Variants in ARL13B observed in about 807,000 individuals in gnomAD.
ARL13B encodes the protein ADP-ribosylation factor-like protein 13B.
A neutral mutation model predicts 56.1 loss-of-function variants in ARL13B; 36 were observed. The observed-to-expected ratio is 0.64, with a 90% CI of 0.49 to 0.85. The LOEUF is 0.85. Among genes scored for constraint, ARL13B ranks in the 40% least tolerant of loss-of-function variants. The pLI is 0.00. For missense variants in ARL13B, 519 were observed against 507.1 expected, an observed-to-expected ratio of 1.02 and a Z score of -0.23; for synonymous variants, 178 against 171.1, an observed-to-expected ratio of 1.04 and a Z score of -0.32.
chr3:94,035,254 A>AT, intron 3 of ARL13B, 77 bp from the exon 4 acceptor site: 5 of 1,014,730 alleles, frequency 4.9e-6, no homozygotes, highest in South Asian at 1.5e-5. Context: ...AAAAAAAAAA[A>AT]GAATGTGGTC....
rs565526914 is a variant in ARL13B at position 93,998,058 on chromosome 3, T to G, written c.130+2114T>G. On this transcript the variant is annotated intron_variant, in intron 2 of 9. Coordinates refer to ENST00000394222, the MANE Select transcript of ARL13B (RefSeq NM_001174150.2). ...TGAAAATTTATTTCCGGCACTGAAA[T>G]TTGAATTTAATATAATTTTCATGTG... 1.1e-3 allele frequency among the ~76,000 whole-genome samples: 163 copies of G among 152,340 alleles called. 1 individual carries two copies. Among genetic ancestry groups the G allele is most frequent in the African/African-American group, 3.8e-3 (160 of 41,578 alleles).
At chr3:94,034,407 T>C (rs547166613) in intron 3 of ARL13B, among the ~76,000 whole-genome samples, 19 of 152,120 alleles carry the variant, frequency 1.2e-4, no homozygotes, top group Non-Finnish European at 2.5e-4. Context: ...ATCTATGTTA[T>C]ATAATTAAAT....
intron 3 of ARL13B, among the ~76,000 whole-genome samples, chr3:94,013,640 C>G (rs757095708): frequency 2.6e-5 from 4 of 152,124 alleles, no homozygotes; most frequent in African/African-American, 4.8e-5. Flanking sequence ...AAGTTACCTT[C>G]TGAGGATAAA....
At chr3:94,027,394 G>A (rs1043582543) in intron 3 of ARL13B, among the ~76,000 whole-genome samples, 1 of 151,702 alleles carries the variant, frequency 6.6e-6, no homozygotes, top group African/African-American at 2.4e-5. Flanking sequence ...ATTTTATTTA[G>A]TCTAAATAAC....
intron 5 of ARL13B, 149 bp downstream of exon 5, chr3:94,036,903 C>A (rs959273242): frequency 1.0e-6 from 1 of 959,338 alleles, no homozygotes; most frequent in Non-Finnish European, 1.6e-6. Flanking sequence ...GGATCTTTTT[C>A]TGTACAAGTT....
chr3:94,037,673 A>G (rs953550085), intron 5 of ARL13B, among the ~76,000 whole-genome samples: 3 of 151,940 alleles, frequency 2.0e-5, no homozygotes, highest in African/African-American at 7.2e-5. Flanking sequence ...CAGTACAACC[A>G]ATCATGCATG....
intron 3 of ARL13B, among the ~76,000 whole-genome samples, chr3:94,017,071 A>G (rs970705183): frequency 6.6e-6 from 1 of 152,184 alleles, no homozygotes; most frequent in East Asian, 1.9e-4. Context: ...GGTAAGGGGA[A>G]CTCAATAAAC....
intron 9 of ARL13B, among the ~76,000 whole-genome samples, chr3:94,052,902 T>C (rs1001261550): frequency 8.5e-5 from 13 of 152,072 alleles, no homozygotes; most frequent in African/African-American, 2.9e-4. Context: ...AAGGAAGGAA[T>C]ATTTTAACCA....
At position 94,054,980 on chromosome 3, in the gene ARL13B, C is replaced by T; in HGVS notation, c.*1717C>T. 1 of 301,082 alleles carries T rather than the reference C, an allele frequency of 3.3e-6. No homozygotes were observed. The highest frequency in any genetic ancestry group is 2.9e-5 in the South Asian group (1 of 34,798). 18.7% of individuals were successfully genotyped at this position (301,082 alleles called of 1,614,324 possible). On this transcript the variant is annotated 3_prime_UTR_variant, in exon 10 of 10. Coordinates refer to ENST00000394222, the MANE Select transcript of ARL13B (RefSeq NM_001174150.2). The stretch of plus-strand genomic sequence containing the variant: ...TTTGCTATCTTTTTAATATTTATCT[C>T]GTTTGGGAGTATACGTGTTTTTAAA...
intron 3 of ARL13B, among the ~76,000 whole-genome samples, chr3:94,030,700 T>A (rs1458676916): frequency 6.6e-6 from 1 of 152,162 alleles, no homozygotes; most frequent in Non-Finnish European, 1.5e-5. Context: ...ACTCTGCATC[T>A]CTAGTGGGAT....
At chr3:93,988,865 GT>G in intron 1 of ARL13B, 2 of 379,832 alleles carry the variant, frequency 5.3e-6, no homozygotes, top group Non-Finnish European at 1.0e-5. Context: ...GCAGGAGCAG[GT>G]TTAGCTGACA....
chr3:94,003,863 C>T lies in ARL13B; in HGVS notation c.335C>T (p.Ser112Leu). 1 of 1,613,562 alleles carries T rather than the reference C, an allele frequency of 6.2e-7. No individual in the cohort carries two copies. The highest frequency in any genetic ancestry group is 8.5e-7 in the Non-Finnish European group (1 of 1,179,692). ...ATGGAAGAGACAAAAGAGGCTATGT[C>T]AGAAATGCTAAGACATCCTAGGATA... ...ERMEETKEAM[S>L]EMLRHPRISG... Residue 112 changes from serine (S) to leucine (L), a missense_variant, in exon 3 of 10, where the codon TCA becomes TTA. By Grantham distance (145) the Ser-to-Leu change is moderately radical. Transcript: ENST00000394222.
intron 1 of ARL13B, among the ~76,000 whole-genome samples, chr3:93,987,041 G>A (rs145713434): frequency 6.6e-6 from 1 of 152,256 alleles, no homozygotes; most frequent in Admixed American, 6.5e-5. Context: ...TAAAAGATGA[G>A]GAAGTTTAGA....
intron 9 of ARL13B, among the ~76,000 whole-genome samples, chr3:94,051,806 A>G (rs2077071957): frequency 6.6e-6 from 1 of 152,076 alleles, no homozygotes; most frequent in African/African-American, 2.4e-5. Context: ...CAGTTTAAAT[A>G]TTTTTGTTTA....
At chr3:93,982,308 T>A (rs1252117970) in intron 1 of ARL13B, among the ~76,000 whole-genome samples, 1 of 152,350 alleles carries the variant, frequency 6.6e-6, no homozygotes, top group East Asian at 1.9e-4. Context: ...ACCCAGAGTG[T>A]ATTTTCTTCT....
chr3:94,003,702 T>C lies in ARL13B; in HGVS notation c.174T>C (p.Ile58=). The C allele has an allele frequency of 1.9e-6, 3 of 1,613,548 alleles. No individual in the cohort carries two copies. The highest frequency in any genetic ancestry group is 2.5e-6 in the Non-Finnish European group (3 of 1,179,612). ...DVAPTVGFSK[I]NLRQGKFEVT... ...CTCCTACTGTTGGATTTTCAAAAAT[T>C]AACCTTAGACAAGGAAAGTTTGAAG... Residue 58 remains isoleucine, a synonymous_variant, in exon 3 of 10, where the codon ATT becomes ATC. Coordinates refer to ENST00000394222, the MANE Select transcript of ARL13B (RefSeq NM_001174150.2).
At chr3:94,010,076 C>T (rs1350820199) in intron 3 of ARL13B, among the ~76,000 whole-genome samples, 1 of 152,002 alleles carries the variant, frequency 6.6e-6, no homozygotes, top group Non-Finnish European at 1.5e-5. Flanking sequence ...GCTTTTTTTC[C>T]ATACGTGCTC....
At chr3:94,005,483 A>G (rs2076119091) in intron 3 of ARL13B, among the ~76,000 whole-genome samples, 1 of 152,236 alleles carries the variant, frequency 6.6e-6, no homozygotes, top group Admixed American at 6.5e-5. Context: ...TTAAGTGACT[A>G]CAGTGATTAC....
chr3:93,995,783 T>TA (rs1212747433), intron 1 of ARL13B, 91 bp from the exon 2 acceptor site: 14 of 1,197,222 alleles, frequency 1.2e-5, no homozygotes, highest in Non-Finnish European at 1.6e-5. Flanking sequence ...AGGTGCTCCT[T>TA]AAATGTTGAT....
Sources: gnomAD v4.1 joint callset for allele counts (sites outside exome capture counted in the v4.1 genomes callset) on GRCh38, gnomAD v4.1.1 for gene constraint, MANE v1.5 for transcripts, NCBI Gene and HGNC (gene_info 2026-07-23, HGNC 2026-07-21) for gene names.